Variants in PLCB1 observed in about 807,000 individuals in gnomAD.
PLCB1 encodes the protein phospholipase C beta 1.
PLCB1 carries 46 observed loss-of-function variants against 161.8 expected under a neutral mutation model. The ratio of observed to expected loss-of-function variants is 0.28; its 90% confidence interval spans 0.22 to 0.36. PLCB1 has a LOEUF of 0.36. Ranked by LOEUF, PLCB1 falls within the 10% of genes least tolerant of loss-of-function variation. The probability of loss-of-function intolerance (pLI) is 1.00; values close to 1 mark genes in which losing one functional copy is unlikely to be tolerated. For missense variants in PLCB1, 1,016 were observed against 1,472.5 expected (o/e 0.69, Z 5.07); for synonymous variants, 517 against 503.7 (o/e 1.03, Z -0.35).
At chr20:8,592,631 G>A (rs1018772603) in intron 3 of PLCB1, among the ~76,000 whole-genome samples, 1 of 152,170 alleles carries the variant, frequency 6.6e-6, no homozygotes, top group African/African-American at 2.4e-5. Flanking sequence ...ACTGTGTGTT[G>A]TGCACCTGCA....
chr20:8,870,581 G>A (rs1406432946), intron 31 of PLCB1, among the ~76,000 whole-genome samples: 2 of 152,114 alleles, frequency 1.3e-5, no homozygotes, highest in African/African-American at 4.8e-5. Context: ...AGTTTAAAAA[G>A]GAAATGCATG....
chr20:8,268,274 T>C (rs1338237739), intron 2 of PLCB1, among the ~76,000 whole-genome samples: 1 of 152,114 alleles, frequency 6.6e-6, no homozygotes, highest in East Asian at 1.9e-4. Flanking sequence ...GCTTCATCCA[T>C]GTCCCTACAA....
chr20:8,154,308 C>T (rs1054894296), intron 2 of PLCB1, among the ~76,000 whole-genome samples: 6 of 152,064 alleles, frequency 3.9e-5, no homozygotes, highest in Admixed American at 3.3e-4. Context: ...ATTGCTCTAT[C>T]GTATGTTAAA....
At chr20:8,661,247 A>G (rs912696284) in intron 9 of PLCB1, among the ~76,000 whole-genome samples, 2 of 152,148 alleles carry the variant, frequency 1.3e-5, no homozygotes, top group African/African-American at 4.8e-5. Flanking sequence ...GTAGACTTGT[A>G]GTTGTGATCT....
chr20:8,345,270 C>T (rs1180117488), intron 2 of PLCB1, among the ~76,000 whole-genome samples: 1 of 152,040 alleles, frequency 6.6e-6, no homozygotes, highest in Admixed American at 6.6e-5. Context: ...ACTGTTTATT[C>T]TTTTTTGTGT....
intron 2 of PLCB1, among the ~76,000 whole-genome samples, chr20:8,268,476 A>G (rs1982097879): frequency 1.3e-5 from 2 of 152,174 alleles, no homozygotes; most frequent in African/African-American, 4.8e-5. Context: ...TTTTGGGTAT[A>G]TACCCAGTAA....
chr20:8,768,770 A>G (rs1982511104), intron 26 of PLCB1, among the ~76,000 whole-genome samples: 1 of 152,210 alleles, frequency 6.6e-6, no homozygotes, highest in Non-Finnish European at 1.5e-5. Flanking sequence ...CAGATCTGGA[A>G]TCTGCATCTC....
intron 7 of PLCB1, among the ~76,000 whole-genome samples, chr20:8,650,168 A>G (rs1989274886): frequency 6.7e-6 from 1 of 148,384 alleles, no homozygotes; most frequent in Non-Finnish European, 1.5e-5. Flanking sequence ...ACCCTTCTTG[A>G]TGTTTTTTTT....
chr20:8,634,866 A>G (rs1249243863), intron 4 of PLCB1, among the ~76,000 whole-genome samples: 1 of 152,132 alleles, frequency 6.6e-6, no homozygotes, highest in Non-Finnish European at 1.5e-5. Context: ...ATTCTGTTCT[A>G]GCAGCTCCTA....
intron 2 of PLCB1, among the ~76,000 whole-genome samples, chr20:8,341,817 C>T (rs991484769): frequency 5.9e-5 from 9 of 152,196 alleles, no homozygotes; most frequent in African/African-American, 1.9e-4. Flanking sequence ...TAAATTAGCT[C>T]GTCTAATATT....
At chr20:8,363,105 C>T (rs543260843) in intron 2 of PLCB1, among the ~76,000 whole-genome samples, 4 of 152,210 alleles carry the variant, frequency 2.6e-5, no homozygotes, top group Admixed American at 6.6e-5. Flanking sequence ...TGCCAAGATA[C>T]GTAAATTCAT....
chr20:8,781,563 A>G (rs746963197), intron 27 of PLCB1, among the ~76,000 whole-genome samples: 3 of 152,082 alleles, frequency 2.0e-5, no homozygotes, highest in South Asian at 2.1e-4. Flanking sequence ...ACTTTATTGC[A>G]TGAATGTAGC....
intron 3 of PLCB1, among the ~76,000 whole-genome samples, chr20:8,470,018 G>A (rs1981984044): frequency 6.6e-6 from 1 of 152,070 alleles, no homozygotes; most frequent in South Asian, 2.1e-4. Flanking sequence ...CATAGAAATG[G>A]AATCACAAAA....
rs1988017834 is a variant in PLCB1, at chr20:8,882,083, T to C, written c.*234T>C. On this transcript the variant is annotated 3_prime_UTR_variant, in exon 32 of 32. Coordinates refer to ENST00000338037, the MANE Select transcript of PLCB1 (RefSeq NM_015192.4). ...TGAAGAATGCATGTATGTGAGATTTTTGTTTTCTTTCCAATAGCAAATTCA... is the reference window on the plus strand; with the variant it reads ...TGAAGAATGCATGTATGTGAGATTTCTGTTTTCTTTCCAATAGCAAATTCA... 9.3e-6 allele frequency: 4 copies of C among 427,866 alleles called. No individual in the cohort carries two copies. Among genetic ancestry groups the C allele is most frequent in the Non-Finnish European group, 1.2e-5 (3 of 241,286 alleles). The allele number at this position is 427,866 out of a possible 1,614,324, so 26.5% of individuals were successfully genotyped here. A position where few individuals can be genotyped will look rare whatever the true frequency, so the allele number is the denominator to read the frequency against.
chr20:8,874,554 C>T (rs1987714096), intron 31 of PLCB1, among the ~76,000 whole-genome samples: 1 of 151,924 alleles, frequency 6.6e-6, no homozygotes, highest in African/African-American at 2.4e-5. Flanking sequence ...AATAAATATG[C>T]TAATGCTATC....
intron 2 of PLCB1, among the ~76,000 whole-genome samples, chr20:8,219,161 A>G (rs1439821842): frequency 6.6e-6 from 1 of 152,158 alleles, no homozygotes; most frequent in Non-Finnish European, 1.5e-5. Context: ...GCATCTCAAG[A>G]CTTCACTGTG....
chr20:8,459,697 A>T (rs1981484560), intron 3 of PLCB1, among the ~76,000 whole-genome samples: 1 of 152,220 alleles, frequency 6.6e-6, no homozygotes, highest in South Asian at 2.1e-4. Flanking sequence ...ACTTCAGGTC[A>T]TTGAAACCAT....
At chr20:8,551,796 G>A (rs182079843) in intron 3 of PLCB1, among the ~76,000 whole-genome samples, 16 of 152,134 alleles carry the variant, frequency 1.1e-4, no homozygotes, top group African/African-American at 3.1e-4. Flanking sequence ...TCTTCTACCC[G>A]TATTTTCTCT....
chr20:8,180,556 A>G (rs2051830448), intron 2 of PLCB1, among the ~76,000 whole-genome samples: 1 of 152,302 alleles, frequency 6.6e-6, no homozygotes, highest in Admixed American at 6.5e-5. Context: ...TATATAAGAA[A>G]CAGAGTTGAA....
Sources: allele counts gnomAD v4.1 joint callset (sites outside exome capture counted in the v4.1 genomes callset), GRCh38; gene constraint gnomAD v4.1.1; transcripts MANE v1.5; gene names NCBI Gene and HGNC (gene_info 2026-07-23, HGNC 2026-07-21).